Variants in PHKA1 observed in about 807,000 individuals in gnomAD.
The protein encoded by PHKA1 is phosphorylase b kinase regulatory subunit alpha, skeletal muscle isoform.
A neutral mutation model predicts 110.2 loss-of-function variants in PHKA1; 60 were observed. The observed-to-expected ratio is 0.54, with a 90% CI of 0.44 to 0.68. The LOEUF (loss-of-function observed/expected upper bound fraction) is 0.68. PHKA1 is among the 30% of genes least tolerant of loss of function. The pLI is 0.00. For synonymous variants in PHKA1, 316 were observed against 333.6 expected, an observed-to-expected ratio of 0.95 and a Z score of 0.58; for missense variants, 801 against 942.5, an observed-to-expected ratio of 0.85 and a Z score of 1.97.
intron 21 of PHKA1, among the ~76,000 whole-genome samples, chrX:72,615,747 AG>A (rs1330780014): frequency 3.0e-5 from 2 of 67,478 alleles, no homozygotes; most frequent in Admixed American, 1.5e-4. Context: ...GGAAAGAAGG[AG>A]GGGGGGAAGG....
At chrX:72,659,292 T>C (rs782159738) in intron 8 of PHKA1, among the ~76,000 whole-genome samples, 14 of 111,726 alleles carry the variant, frequency 1.3e-4, no homozygotes, top group South Asian at 1.1e-3. Flanking sequence ...TCCATACTTT[T>C]CTGAGTACCT....
At chrX:72,617,640 G>A in intron 21 of PHKA1, among the ~76,000 whole-genome samples, 1 of 111,553 alleles carries the variant, frequency 9.0e-6, no homozygotes, top group East Asian at 2.8e-4. Context: ...GGATAAATTT[G>A]TGAACACATA....
At position 72,682,353 on chromosome X, in the gene PHKA1, C is replaced by T. The variant is rs782212057; in HGVS notation, c.537+2145G>A. Among the ~76,000 whole-genome samples, 491 of 110,047 alleles carry T rather than the reference C, an allele frequency of 4.5e-3. 4 individuals carry two copies. Among genetic ancestry groups the T allele is most frequent in the African/African-American group, 0.015 (462 of 30,465 alleles). On this transcript the variant is annotated intron_variant, in intron 5 of 31. Coordinates refer to ENST00000373542, the MANE Select transcript of PHKA1 (RefSeq NM_002637.4). Reference sequence around the variant, plus strand: ...GGAGGGAGGTGGGGGGGTCAGCCCCCTGCCCGGCCAGCCGCCCCGTCCGGG... The same window carrying T: ...GGAGGGAGGTGGGGGGGTCAGCCCCTTGCCCGGCCAGCCGCCCCGTCCGGG...
chrX:72,589,522 C>T (rs1015830249), intron 29 of PHKA1, among the ~76,000 whole-genome samples: 3 of 111,742 alleles, frequency 2.7e-5, no homozygotes, highest in African/African-American at 9.8e-5. Context: ...TGGCACAAGA[C>T]AGGGATGCCC....
rs782746934 is a variant in PHKA1 at position 72,650,724 on chromosome X, T to G, written c.1246-256A>C. ...TAGGGTATAAATATGTAGGGTATAA[T>G]TTGTTTTCTTTTTTTGAGACAGGGT... On this transcript the variant is annotated intron_variant, in intron 12 of 31. Coordinates refer to ENST00000373542, the MANE Select transcript of PHKA1 (RefSeq NM_002637.4). 1.3e-4 allele frequency among the ~76,000 whole-genome samples: 14 copies of G among 111,877 alleles called. No individual in the cohort carries two copies. In the East Asian group the frequency reaches 3.7e-3, roughly 29 times the overall value.
chrX:72,639,191 T>C (rs2053265428), intron 14 of PHKA1, among the ~76,000 whole-genome samples: 1 of 112,179 alleles, frequency 8.9e-6, no homozygotes, highest in African/African-American at 3.2e-5. Context: ...TATAATGTAG[T>C]GAACATCCTT....
intron 18 of PHKA1, 87 bp downstream of exon 18, chrX:72,623,022 G>C: frequency 8.4e-7 from 1 of 1,194,671 alleles, no homozygotes; most frequent in South Asian, 1.9e-5. Context: ...CTGTGAGACT[G>C]CTGGCAGCAT....
intron 25 of PHKA1, among the ~76,000 whole-genome samples, chrX:72,603,603 G>T (rs1556246781): frequency 9.0e-6 from 1 of 111,492 alleles, no homozygotes; most frequent in Non-Finnish European, 1.9e-5. Context: ...AAACTTCTCA[G>T]CCTGGAAATA....
At chrX:72,691,013 C>A (rs2054031619) in intron 4 of PHKA1, among the ~76,000 whole-genome samples, 1 of 112,775 alleles carries the variant, frequency 8.9e-6, no homozygotes. Context: ...AGTGATCCTG[C>A]CACCTCAGCC....
chrX:72,580,984 A>G lies in PHKA1; in HGVS notation c.*18T>C. On this transcript the variant is annotated 3_prime_UTR_variant, in exon 32 of 32. Transcript: ENST00000373542. ...GACCAGCTGTCAAAAGGCTCCCAGA[A>G]GCCAGGAACCAAAGCCCTCATTGCA... 1 of 1,205,138 alleles carries G rather than the reference A, an allele frequency of 8.3e-7. No homozygotes were observed. The highest frequency in any genetic ancestry group is 1.8e-5 in the South Asian group (1 of 56,395).
intron 15 of PHKA1, 138 bp from the exon 16 acceptor site, chrX:72,635,437 T>C: frequency 1.8e-6 from 1 of 563,471 alleles, no homozygotes; most frequent in Non-Finnish European, 2.9e-6. Context: ...GTCTAATACA[T>C]TCCAAAGTAT....
intron 3 of PHKA1, 88 bp from the exon 4 acceptor site, chrX:72,695,964 G>T: frequency 1.3e-6 from 1 of 752,557 alleles, no homozygotes; most frequent in East Asian, 3.2e-5. Context: ...ATACATTATT[G>T]CAATGTGAAG....
At chrX:72,668,640 G>A (rs1383947410) in intron 6 of PHKA1, among the ~76,000 whole-genome samples, 1 of 111,542 alleles carries the variant, frequency 9.0e-6, no homozygotes, top group African/African-American at 3.3e-5. Flanking sequence ...AGTCTTCCCT[G>A]AAGAAATGAC....
At chrX:72,605,508 A>G (rs2052715884) in intron 24 of PHKA1, 33 bp downstream of exon 24, 1 of 1,165,148 alleles carries the variant, frequency 8.6e-7, no homozygotes, top group Non-Finnish European at 1.2e-6. Flanking sequence ...TTAAAATATC[A>G]GTCACCAGAT....
At chrX:72,671,387 A>G (rs1315610052) in intron 6 of PHKA1, among the ~76,000 whole-genome samples, 1 of 111,173 alleles carries the variant, frequency 9.0e-6, no homozygotes, top group Non-Finnish European at 1.9e-5. Flanking sequence ...AAGGGATGTG[A>G]AGGACCTCTT....
intron 19 of PHKA1, 21 bp from the exon 20 acceptor site, chrX:72,619,326 T>C (rs1426716316): frequency 2.1e-6 from 2 of 972,108 alleles, no homozygotes; most frequent in Non-Finnish European, 2.9e-6. Context: ...ATGACATTTA[T>C]GGGAAATATT....
intron 2 of PHKA1, among the ~76,000 whole-genome samples, chrX:72,706,231 T>A (rs1556332325): frequency 9.0e-6 from 1 of 111,427 alleles, no homozygotes; most frequent in Non-Finnish European, 1.9e-5. Flanking sequence ...TGTGGGAGAG[T>A]CCCCTTTCTT....
At chrX:72,611,228 T>G (rs889712674) in intron 21 of PHKA1, 44 bp from the exon 22 acceptor site, 3 of 1,054,825 alleles carry the variant, frequency 2.8e-6, no homozygotes, top group Non-Finnish European at 4.0e-6. Context: ...AAGTAAAGCT[T>G]CTGGCAATCA....
At chrX:72,586,878 G>A (rs142881667) in intron 29 of PHKA1, among the ~76,000 whole-genome samples, 1,206 of 110,112 alleles carry the variant, frequency 0.011, 10 homozygotes, top group Non-Finnish European at 0.018. Flanking sequence ...GAGAAGTGTA[G>A]ACAAAAAAGG....
Sources: allele counts gnomAD v4.1 joint callset (sites outside exome capture counted in the v4.1 genomes callset), GRCh38; gene constraint gnomAD v4.1.1; transcripts MANE v1.5; gene names NCBI Gene and HGNC (gene_info 2026-07-23, HGNC 2026-07-21).